The following DPF3 variants were observed in gnomAD, a reference collection of about 807,000 sequenced individuals.
The protein encoded by DPF3 is double PHD fingers 3.
DPF3 carries 18 observed loss-of-function variants against 56.8 expected under a neutral mutation model. The observed-to-expected ratio is 0.32, with a 90% CI of 0.22 to 0.47. DPF3 has a LOEUF of 0.47. DPF3 is among the 20% of genes least tolerant of loss of function. DPF3 has a pLI of 1.00. For missense variants in DPF3, 403 were observed against 488.8 expected, an observed-to-expected ratio of 0.82 and a Z score of 1.65; for synonymous variants, 188 against 180.2, an observed-to-expected ratio of 1.04 and a Z score of -0.35.
intron 1 of DPF3, among the ~76,000 whole-genome samples, chr14:72,825,622 C>G (rs74901571): frequency 6.6e-6 from 1 of 152,184 alleles, no homozygotes; most frequent in Non-Finnish European, 1.5e-5. Context: ...GATGGAAAGT[C>G]ACACCCTCAA....
intron 1 of DPF3, among the ~76,000 whole-genome samples, chr14:72,832,882 G>A (rs1488423344): frequency 6.6e-6 from 1 of 152,156 alleles, no homozygotes; most frequent in Non-Finnish European, 1.5e-5. Context: ...ATGAAGATTT[G>A]AGGGAACACA....
intron 3 of DPF3, among the ~76,000 whole-genome samples, chr14:72,752,751 T>C (rs910649648): frequency 6.6e-6 from 1 of 152,184 alleles, no homozygotes; most frequent in Non-Finnish European, 1.5e-5. Context: ...CACGGGTAAA[T>C]TGTAATCTCA....
intron 1 of DPF3, among the ~76,000 whole-genome samples, chr14:72,885,286 A>C (rs986140403): frequency 6.6e-6 from 1 of 151,762 alleles, no homozygotes; most frequent in African/African-American, 2.4e-5. Context: ...CTGTAATACT[A>C]TTAGGTTTGG....
At chr14:72,675,592 A>T (rs1886875829) in intron 7 of DPF3, 1 of 152,224 alleles carries the variant, frequency 6.6e-6, no homozygotes, top group African/African-American at 2.4e-5. Context: ...ACCCACTTTA[A>T]TGTGATTCCC....
At chr14:72,710,800 C>CCCT (rs1343061060) in intron 6 of DPF3, among the ~76,000 whole-genome samples, 2 of 152,212 alleles carry the variant, frequency 1.3e-5, no homozygotes, top group Non-Finnish European at 2.9e-5. Flanking sequence ...AGAAACAGAA[C>CCCT]TTTAACCCTT....
At chr14:72,678,234 C>T (rs1887000549) in intron 7 of DPF3, among the ~76,000 whole-genome samples, 1 of 152,188 alleles carries the variant, frequency 6.6e-6, no homozygotes. Context: ...CACTTCTCTG[C>T]CTCCTGGGAA....
chr14:72,656,161 C>T (rs971617847), intron 8 of DPF3, among the ~76,000 whole-genome samples: 1 of 152,174 alleles, frequency 6.6e-6, no homozygotes, highest in East Asian at 1.9e-4. Flanking sequence ...CCTTAAAGGG[C>T]TTATTGTTCA....
At position 72,672,020 on chromosome 14, in the gene DPF3, G is replaced by A. The variant is rs117780140; in HGVS notation, c.871+2220C>T. Among the ~76,000 whole-genome samples the A allele has an allele frequency of 2.1e-4, 32 of 148,848 alleles. No homozygotes were observed. The East Asian group carries it at 5.8e-3, about 27-fold the overall frequency. On this transcript the variant is annotated intron_variant, in intron 8 of 10. Coordinates refer to ENST00000556509, the MANE Select transcript of DPF3 (RefSeq NM_001280542.3). ...GATCTGCATCCACATACATGTGCAC[G>A]TGTGCACACCACACACACACACACA...
At chr14:72,868,158 A>C (rs1007066671) in intron 1 of DPF3, among the ~76,000 whole-genome samples, 1 of 152,190 alleles carries the variant, frequency 6.6e-6, no homozygotes, top group Non-Finnish European at 1.5e-5. Flanking sequence ...ACATCTGAAC[A>C]TCGTAAGATT....
rs1042777459 is a variant in DPF3 at position 72,849,319 on chromosome 14, AC to A, written c.32+44737del. On this transcript the variant is annotated intron_variant, in intron 1 of 10. Transcript: ENST00000556509. ...GCATGATTGGTGAGGGGTTGCACAC[AC>A]CCACCAGGAGACATGACGGCAGAGG... is the stretch of plus-strand genomic sequence containing the variant. 2.0e-4 allele frequency among the ~76,000 whole-genome samples: 31 copies of A among 152,254 alleles called. 1 individual carries two copies. The highest frequency in any genetic ancestry group is 7.5e-4 in the African/African-American group (31 of 41,566).
At chr14:72,888,144 G>A (rs1397261259) in intron 1 of DPF3, among the ~76,000 whole-genome samples, 1 of 152,040 alleles carries the variant, frequency 6.6e-6, no homozygotes, top group African/African-American at 2.4e-5. Flanking sequence ...ATTATTAGGA[G>A]CTCTGAACCT....
At chr14:72,702,750 G>A (rs1888227962) in intron 6 of DPF3, among the ~76,000 whole-genome samples, 3 of 152,178 alleles carry the variant, frequency 2.0e-5, no homozygotes, top group Non-Finnish European at 4.4e-5. Flanking sequence ...TAAAGCCCAG[G>A]AGGTACTTCC....
intron 1 of DPF3, among the ~76,000 whole-genome samples, chr14:72,781,519 G>C (rs1381101490): frequency 6.6e-6 from 1 of 152,182 alleles, no homozygotes; most frequent in Non-Finnish European, 1.5e-5. Flanking sequence ...CCCTGGTGAA[G>C]ACTTTTCAGG....
chr14:72,651,780 A>C (rs1180953223), intron 8 of DPF3, among the ~76,000 whole-genome samples: 5 of 152,212 alleles, frequency 3.3e-5, no homozygotes, highest in South Asian at 4.1e-4. Context: ...TCCTCCTGAC[A>C]GTCTCACAGC....
chr14:72,657,862 A>C (rs934862710), intron 8 of DPF3, among the ~76,000 whole-genome samples: 1 of 152,214 alleles, frequency 6.6e-6, no homozygotes, highest in African/African-American at 2.4e-5. Context: ...AATATTTACT[A>C]TCTGGTGTGT....
chr14:72,670,955 T>C (rs1886644052), intron 8 of DPF3: 2 of 859,102 alleles, frequency 2.3e-6, no homozygotes, highest in Non-Finnish European at 3.2e-6. Context: ...CTGTTGTACA[T>C]ACCCAAAACA....
rs768303896 is a variant in DPF3 at position 72,693,186 on chromosome 14, G to A, written c.632C>T (p.Pro211Leu). Residue 211 changes from proline (P) to leucine (L), a missense_variant, in exon 7 of 11, where the codon CCG (proline) becomes CTG (leucine). By Grantham distance (98) the Pro-to-Leu change is moderately conservative. Coordinates refer to ENST00000556509, the MANE Select transcript of DPF3 (RefSeq NM_001280542.3). The part of the protein sequence containing the change: ...DICGKRYKNR[P>L]GLSYHYAHTH... ...GTGAGCATAGTGGTAGCTGAGCCCCGGTCGGTTCTTGTAGCGCTTGCCACA... is the reference window on the plus strand; with the variant it reads ...GTGAGCATAGTGGTAGCTGAGCCCCAGTCGGTTCTTGTAGCGCTTGCCACA... The A allele has an allele frequency of 2.2e-5, 36 of 1,613,784 alleles. No homozygotes were observed. The East Asian group carries it at 3.1e-4, about 14-fold the overall frequency.
At chr14:72,643,971 C>T (rs1885638336) in intron 8 of DPF3, among the ~76,000 whole-genome samples, 1 of 152,134 alleles carries the variant, frequency 6.6e-6, no homozygotes, top group Admixed American at 6.5e-5. Context: ...CAATCCTTTT[C>T]CCCCTTTCAT....
At chr14:72,802,682 T>C (rs2140003456) in intron 1 of DPF3, among the ~76,000 whole-genome samples, 1 of 152,354 alleles carries the variant, frequency 6.6e-6, no homozygotes, top group Middle Eastern at 3.4e-3. Flanking sequence ...GAATTTGGAT[T>C]CTTTTTTAAA....
Sources: allele counts gnomAD v4.1 joint callset (sites outside exome capture counted in the v4.1 genomes callset), GRCh38; gene constraint gnomAD v4.1.1; transcripts MANE v1.5; gene names NCBI Gene and HGNC (gene_info 2026-07-23, HGNC 2026-07-21).